The following GRM1 variants were observed in gnomAD, a reference collection of about 807,000 sequenced individuals.
The protein encoded by GRM1 is glutamate metabotropic receptor 1.
Under a neutral mutation model 90.9 loss-of-function variants are expected in GRM1, and 33 were observed. That is an observed-to-expected ratio of 0.36 (90% CI 0.28 to 0.49). GRM1 has a LOEUF of 0.49. Ranked by LOEUF, GRM1 falls within the 20% of genes least tolerant of loss-of-function variation. The pLI is 0.99. For missense variants in GRM1, 1,190 were observed against 1,534.3 expected, an observed-to-expected ratio of 0.78 and a Z score of 3.75; for synonymous variants, 700 against 613.2, an observed-to-expected ratio of 1.14 and a Z score of -2.09.
intron 1 of GRM1, among the ~76,000 whole-genome samples, chr6:146,112,094 T>C: frequency 6.6e-6 from 1 of 152,228 alleles, no homozygotes; most frequent in East Asian, 1.9e-4. Context: ...TGACTTGCAC[T>C]GTTCTGAGTA....
chr6:146,214,630 G>A (rs911229754), intron 2 of GRM1, among the ~76,000 whole-genome samples: 5 of 152,102 alleles, frequency 3.3e-5, no homozygotes, highest in African/African-American at 1.2e-4. Flanking sequence ...AGGGGGTGGA[G>A]GCAGACTAGG....
At chr6:146,267,250 G>C (rs1386262752) in intron 2 of GRM1, among the ~76,000 whole-genome samples, 1 of 152,136 alleles carries the variant, frequency 6.6e-6, no homozygotes, top group African/African-American at 2.4e-5. Flanking sequence ...AATATTCCAT[G>C]GTGTATATGT....
intron 7 of GRM1, among the ~76,000 whole-genome samples, chr6:146,419,631 G>C (rs1377781978): frequency 6.6e-6 from 1 of 152,164 alleles, no homozygotes; most frequent in East Asian, 1.9e-4. Flanking sequence ...GGCTTAACAG[G>C]AATCACGACT....
At chr6:146,408,195 C>T (rs555773837) in intron 7 of GRM1, among the ~76,000 whole-genome samples, 1 of 152,162 alleles carries the variant, frequency 6.6e-6, no homozygotes, top group East Asian at 1.9e-4. Context: ...TTCATTAGGG[C>T]ACTGATTCCT....
chr6:146,389,467 C>A (rs762105288), intron 6 of GRM1, among the ~76,000 whole-genome samples: 1 of 151,904 alleles, frequency 6.6e-6, no homozygotes, highest in African/African-American at 2.4e-5. Context: ...AAGGTCATAC[C>A]TTTTATTCCT....
intron 2 of GRM1, among the ~76,000 whole-genome samples, chr6:146,166,854 G>C (rs181080459): frequency 6.6e-6 from 1 of 152,180 alleles, no homozygotes; most frequent in East Asian, 1.9e-4. Context: ...TAGGTTTTGG[G>C]CTCCACCTTC....
At chr6:146,216,917 T>C (rs1310474616) in intron 2 of GRM1, among the ~76,000 whole-genome samples, 1 of 152,152 alleles carries the variant, frequency 6.6e-6, no homozygotes, top group Admixed American at 6.5e-5. Flanking sequence ...AAGGCATCTT[T>C]CCAGATTCTA....
At chr6:146,046,904 TA>T (rs1791352658) in intron 1 of GRM1, among the ~76,000 whole-genome samples, 1 of 151,874 alleles carries the variant, frequency 6.6e-6, no homozygotes, top group African/African-American at 2.4e-5. Context: ...TTACTTCCAG[TA>T]GGGATATTGG....
At chr6:146,308,465 T>A (rs534645827) in intron 3 of GRM1, among the ~76,000 whole-genome samples, 2 of 152,362 alleles carry the variant, frequency 1.3e-5, no homozygotes, top group African/African-American at 4.8e-5. Flanking sequence ...ATGACATAGA[T>A]CATTTCATAA....
intron 2 of GRM1, among the ~76,000 whole-genome samples, chr6:146,245,877 C>T (rs923135772): frequency 7.2e-5 from 11 of 152,218 alleles, no homozygotes; most frequent in South Asian, 2.1e-4. Context: ...GTGAATATTT[C>T]TCTTAGCAAT....
chr6:146,363,323 A>G (rs1392483179), intron 5 of GRM1, among the ~76,000 whole-genome samples: 1 of 152,032 alleles, frequency 6.6e-6, no homozygotes, highest in Non-Finnish European at 1.5e-5. Flanking sequence ...TAGCTCCCTT[A>G]TTTTAATATC....
In GRM1 at chr6:146,218,032, C is replaced by T. The variant is rs1014884662; in HGVS notation, c.950+58435C>T. ...AACTCTGTGATTCAGGTACCATTGT[C>T]ATCTCCATTTTAGAGAATGAAAAAA... On this transcript the variant is annotated intron_variant, in intron 2 of 7. Coordinates refer to ENST00000282753, the MANE Select transcript of GRM1 (RefSeq NM_001278064.2). Among the ~76,000 whole-genome samples, 6 of 152,124 alleles carry T rather than the reference C, an allele frequency of 3.9e-5. 1 individual carries two copies. The highest frequency in any genetic ancestry group is 3.3e-4 in the Admixed American group (5 of 15,256).
chr6:146,246,187 G>A (rs947615578), intron 2 of GRM1, among the ~76,000 whole-genome samples: 2 of 152,200 alleles, frequency 1.3e-5, no homozygotes, highest in African/African-American at 2.4e-5. Flanking sequence ...ACTCCAGAGA[G>A]CAGGCATTTG....
chr6:146,081,248 C>A (rs1776354971), intron 1 of GRM1, among the ~76,000 whole-genome samples: 1 of 152,074 alleles, frequency 6.6e-6, no homozygotes, highest in Non-Finnish European at 1.5e-5. Context: ...GAAGGGTATA[C>A]AGAACTTTGT....
intron 1 of GRM1, among the ~76,000 whole-genome samples, chr6:146,074,719 G>T (rs765647886): frequency 1.6e-4 from 24 of 152,060 alleles, no homozygotes; most frequent in Admixed American, 1.6e-3. Context: ...TTTTGGCTGG[G>T]ATTACTTGGA....
intron 1 of GRM1, among the ~76,000 whole-genome samples, chr6:146,057,094 C>A (rs891080948): frequency 6.6e-6 from 1 of 152,108 alleles, no homozygotes; most frequent in African/African-American, 2.4e-5. Flanking sequence ...GTACAAAAAT[C>A]ACTGTAACCA....
At chr6:146,211,161 T>C (rs1181288890) in intron 2 of GRM1, among the ~76,000 whole-genome samples, 1 of 151,970 alleles carries the variant, frequency 6.6e-6, no homozygotes, top group Non-Finnish European at 1.5e-5. Context: ...CTTGGTATAG[T>C]ATTTTTCAAA....
At position 146,243,352 on chromosome 6, in the gene GRM1, G is replaced by T. The variant is rs537765521; in HGVS notation, c.951-61259G>T. On this transcript the variant is annotated intron_variant, in intron 2 of 7. Coordinates refer to ENST00000282753, the MANE Select transcript of GRM1 (RefSeq NM_001278064.2). The stretch of plus-strand genomic sequence containing the variant: ...GTACTCTGTCCAGCCATTACTTTAG[G>T]AGTGTTTCTGTTTTCTTAATGGAAA... Among the ~76,000 whole-genome samples the T allele has an allele frequency of 3.3e-5, 5 of 152,132 alleles. No homozygotes were observed. In the East Asian group the frequency reaches 9.7e-4, roughly 29 times the overall value.
chr6:146,304,092 A>C (rs1433494595), intron 2 of GRM1, among the ~76,000 whole-genome samples: 2 of 152,230 alleles, frequency 1.3e-5, no homozygotes, highest in Non-Finnish European at 2.9e-5. Flanking sequence ...TATGGGAGGC[A>C]GATTTGAATG....
Sources: gnomAD v4.1 joint callset for allele counts (sites outside exome capture counted in the v4.1 genomes callset) on GRCh38, gnomAD v4.1.1 for gene constraint, MANE v1.5 for transcripts, NCBI Gene and HGNC (gene_info 2026-07-23, HGNC 2026-07-21) for gene names.